The following COBL variants were observed in gnomAD, a reference collection of about 807,000 sequenced individuals.
COBL encodes the protein protein cordon-bleu.
COBL carries 51 observed loss-of-function variants against 98.8 expected under a neutral mutation model. That is an observed-to-expected ratio of 0.52 (90% CI 0.41 to 0.65). The LOEUF is 0.65. Among genes scored for constraint, COBL ranks in the 30% least tolerant of loss-of-function variants. The pLI, the probability that COBL is intolerant of heterozygous loss-of-function variation, is 0.00. For synonymous variants in COBL, 634 were observed against 651.7 expected (o/e 0.97, Z 0.41); for missense variants, 1,617 against 1,617.5 (o/e 1.00, Z 0.01).
At chr7:51,297,019 C>T (rs1801475873) in intron 1 of COBL, among the ~76,000 whole-genome samples, 1 of 152,142 alleles carries the variant, frequency 6.6e-6, no homozygotes, top group Non-Finnish European at 1.5e-5. Flanking sequence ...ACGTCTGAAT[C>T]ACCAGGGAAG....
rs567834024 is a variant in COBL at position 51,303,156 on chromosome 7, T to A, written c.41+13437A>T. 4.6e-5 allele frequency among the ~76,000 whole-genome samples: 7 copies of A among 152,372 alleles called. No individual in the cohort carries two copies. In the South Asian group the frequency reaches 1.5e-3, roughly 32 times the overall value. Reference sequence around the variant, plus strand: ...ACACAATAGATCATACTTTCAGATTTATGCTTTTACATTCGGATGCAGAGA... The same window carrying A: ...ACACAATAGATCATACTTTCAGATTAATGCTTTTACATTCGGATGCAGAGA... On this transcript the variant is annotated intron_variant, in intron 1 of 12. Coordinates refer to ENST00000265136, the MANE Select transcript of COBL (RefSeq NM_015198.5).
intron 1 of COBL, among the ~76,000 whole-genome samples, chr7:51,270,326 AAAC>A (rs1798639787): frequency 6.6e-6 from 1 of 152,236 alleles, no homozygotes; most frequent in South Asian, 2.1e-4. Flanking sequence ...AAAGATTTCA[AAAC>A]AAGATCTCCT....
intron 2 of COBL, among the ~76,000 whole-genome samples, chr7:51,201,313 T>C (rs1238544756): frequency 6.7e-6 from 1 of 149,324 alleles, no homozygotes; most frequent in Non-Finnish European, 1.5e-5. Context: ...TGTCATTAAA[T>C]AAAATAGGGT....
chr7:51,078,314 T>C (rs1240301510), intron 7 of COBL, among the ~76,000 whole-genome samples: 1 of 152,208 alleles, frequency 6.6e-6, no homozygotes, highest in Non-Finnish European at 1.5e-5. Flanking sequence ...CTTCCTCTTA[T>C]GAAAATTCTA....
At chr7:51,298,958 T>C (rs1801661532) in intron 1 of COBL, among the ~76,000 whole-genome samples, 1 of 152,144 alleles carries the variant, frequency 6.6e-6, no homozygotes, top group Admixed American at 6.5e-5. Flanking sequence ...TACTCTCCAC[T>C]CAGACTCTCC....
chr7:51,137,882 A>C (rs1252381141), intron 5 of COBL, among the ~76,000 whole-genome samples: 2 of 152,188 alleles, frequency 1.3e-5, no homozygotes, highest in South Asian at 4.1e-4. Context: ...ATTTCATTTG[A>C]ACAACTAGTT....
At chr7:51,080,095 G>A (rs1290056520) in intron 7 of COBL, among the ~76,000 whole-genome samples, 1 of 152,208 alleles carries the variant, frequency 6.6e-6, no homozygotes, top group Non-Finnish European at 1.5e-5. Flanking sequence ...TGGGACCCCA[G>A]CAAAGCCATC....
intron 3 of COBL, among the ~76,000 whole-genome samples, chr7:51,191,409 T>C (rs1469850640): frequency 2.0e-5 from 3 of 151,970 alleles, no homozygotes; most frequent in Admixed American, 6.6e-5. Flanking sequence ...ATGGCACTTA[T>C]ATGCATTTTC....
intron 6 of COBL, among the ~76,000 whole-genome samples, chr7:51,091,173 A>G (rs2128949466): frequency 6.6e-6 from 1 of 152,342 alleles, no homozygotes; most frequent in Admixed American, 6.5e-5. Flanking sequence ...AATTAAAGGA[A>G]CAAAATAAAC....
intron 7 of COBL, chr7:51,065,538 G>A (rs528289532): frequency 1.6e-6 from 1 of 614,454 alleles, no homozygotes; most frequent in African/African-American, 1.8e-5. Context: ...GGCTAGGGTG[G>A]GCTACAGCCA....
At chr7:51,238,557 A>G (rs1408666075) in intron 1 of COBL, among the ~76,000 whole-genome samples, 1 of 152,204 alleles carries the variant, frequency 6.6e-6, no homozygotes, top group Non-Finnish European at 1.5e-5. Context: ...GAACCAGAGC[A>G]ACTCCATCTT....
Position 51,028,831 on chromosome 7 carries a change from A to G in COBL, c.2265T>C (p.Ser755=). Residue 755 remains serine, a synonymous_variant, in exon 10 of 13, where the codon TCT becomes TCC. Transcript: ENST00000265136. Reference sequence around the variant, plus strand: ...TGGGCTGAGATTCTGCTTCAGGCACAGACGAAGACAGGGAAATGATCCTGA... The same window carrying G: ...TGGGCTGAGATTCTGCTTCAGGCACGGACGAAGACAGGGAAATGATCCTGA... The part of the protein sequence containing the change: ...TGIRIISLSS[S]VPEAESQPIG... 6.2e-7 allele frequency: 1 copy of G among 1,614,246 alleles called. No homozygotes were observed. The highest frequency in any genetic ancestry group is 8.5e-7 in the Non-Finnish European group (1 of 1,180,042).
At chr7:51,227,138 G>A (rs570729429) in intron 1 of COBL, among the ~76,000 whole-genome samples, 1 of 152,294 alleles carries the variant, frequency 6.6e-6, no homozygotes, top group South Asian at 2.1e-4. Context: ...CTGATGAGCG[G>A]TGAGGTTAGA....
chr7:51,182,003 T>A (rs924472423), intron 5 of COBL, among the ~76,000 whole-genome samples: 6 of 152,214 alleles, frequency 3.9e-5, no homozygotes, highest in Admixed American at 2.0e-4. Context: ...GTGACCTTAC[T>A]TTGCTAAAAA....
intron 5 of COBL, among the ~76,000 whole-genome samples, chr7:51,167,678 T>C (rs1314016262): frequency 1.3e-5 from 2 of 152,106 alleles, no homozygotes; most frequent in African/African-American, 2.4e-5. Context: ...CTTCAAATTA[T>C]ACTACAGAAT....
chr7:51,291,748 G>A (rs888975427), intron 1 of COBL, among the ~76,000 whole-genome samples: 8 of 152,002 alleles, frequency 5.3e-5, no homozygotes, highest in Admixed American at 1.3e-4. Flanking sequence ...GCAACAAATC[G>A]AGACTCCGTC....
intron 5 of COBL, among the ~76,000 whole-genome samples, chr7:51,155,946 G>A (rs1195143614): frequency 6.6e-6 from 1 of 152,110 alleles, no homozygotes; most frequent in Non-Finnish European, 1.5e-5. Context: ...AAAACACAGA[G>A]AGATCAAGGA....
intron 6 of COBL, among the ~76,000 whole-genome samples, chr7:51,135,856 A>C (rs1034105000): frequency 2.6e-5 from 4 of 152,212 alleles, no homozygotes; most frequent in Admixed American, 2.0e-4. Flanking sequence ...CCAGGGAAGA[A>C]GACTGCATCC....
intron 5 of COBL, among the ~76,000 whole-genome samples, chr7:51,143,212 G>A (rs1344084449): frequency 1.3e-5 from 2 of 152,194 alleles, no homozygotes; most frequent in African/African-American, 2.4e-5. Context: ...GCATGCGTGT[G>A]TGTGTGTCTG....
Sources: gnomAD v4.1 joint callset for allele counts (sites outside exome capture counted in the v4.1 genomes callset) on GRCh38, gnomAD v4.1.1 for gene constraint, MANE v1.5 for transcripts, NCBI Gene and HGNC (gene_info 2026-07-23, HGNC 2026-07-21) for gene names.